GCC2: variants seen among roughly 807,000 people sequenced by gnomAD.
GCC2 encodes the protein GRIP and coiled-coil domain containing 2.
Under a neutral mutation model 210.6 loss-of-function variants are expected in GCC2, and 120 were observed. That is an observed-to-expected ratio of 0.57 (90% CI 0.49 to 0.66). The LOEUF is 0.66. Among genes scored for constraint, GCC2 ranks in the 30% least tolerant of loss-of-function variants. The pLI is 0.00. For synonymous variants in GCC2, 703 were observed against 652.7 expected (o/e 1.08, Z -1.17); for missense variants, 1,868 against 1,871.9 (o/e 1.00, Z 0.04).
Position 108,449,386 on chromosome 2 carries a change from C to T in GCC2, c.6+106C>T, listed in dbSNP as rs1679774184. ...GCGCGGTAGTCTCCCTCTTGGTGTC[C>T]CGAAGCCCGCGCTGCTGTCGCCTCC... On this transcript the variant is annotated intron_variant, in intron 1 of 22. Transcript: ENST00000309863. The T allele has an allele frequency of 1.3e-4, 190 of 1,474,828 alleles. 1 individual carries two copies. In the South Asian group the frequency reaches 2.4e-3, roughly 19 times the overall value. The allele number at this position is 1,474,828 out of a possible 1,614,324, so 91.4% of individuals were successfully genotyped here.
intron 17 of GCC2, 46 bp downstream of exon 17, chr2:108,487,866 G>A (rs1465771882): frequency 6.6e-7 from 1 of 1,513,564 alleles, no homozygotes; most frequent in South Asian, 1.2e-5. Flanking sequence ...CACAATGCAG[G>A]TTCTTCACCA....
intron 13 of GCC2, among the ~76,000 whole-genome samples, chr2:108,485,122 G>A (rs1682064636): frequency 6.6e-6 from 1 of 150,670 alleles, no homozygotes; most frequent in South Asian, 2.1e-4. Flanking sequence ...ACTGAACAGT[G>A]AGATCACATG....
intron 21 of GCC2, 127 bp downstream of exon 21, chr2:108,497,236 C>G (rs955345296): frequency 6.7e-7 from 1 of 1,497,962 alleles, no homozygotes; most frequent in African/African-American, 1.4e-5. Context: ...CCTGCCTCAG[C>G]CTCCCGAGTA....
At chr2:108,472,955 T>A (rs1681317884) in intron 7 of GCC2, 56 bp downstream of exon 7, 1 of 955,518 alleles carries the variant, frequency 1.0e-6, no homozygotes, top group African/African-American at 1.7e-5. Context: ...CTTCTTAGTG[T>A]TAGAATAGAT....
chr2:108,487,207 AAG>A (rs752877157), intron 16 of GCC2, among the ~76,000 whole-genome samples: 3 of 152,354 alleles, frequency 2.0e-5, no homozygotes, highest in Admixed American at 6.5e-5. Flanking sequence ...AATTTATAAA[AAG>A]AGGGGATATC....
At chr2:108,465,551 T>A (rs563666235) in intron 4 of GCC2, among the ~76,000 whole-genome samples, 12 of 152,192 alleles carry the variant, frequency 7.9e-5, no homozygotes, top group Non-Finnish European at 1.5e-4. Context: ...TCACTCTGTA[T>A]GGCTTTGCAT....
At chr2:108,465,295 A>G (rs567535977) in intron 4 of GCC2, among the ~76,000 whole-genome samples, 9 of 152,352 alleles carry the variant, frequency 5.9e-5, no homozygotes, top group African/African-American at 2.2e-4. Context: ...AGATGCCTCT[A>G]ATCAGCCACC....
At chr2:108,499,872 CAT>C (rs1682831923) in intron 22 of GCC2, 118 bp downstream of exon 22, 1 of 1,398,414 alleles carries the variant, frequency 7.2e-7, no homozygotes, top group South Asian at 1.2e-5. Context: ...TTGGGTCTGT[CAT>C]ATGAGTAGGC....
In GCC2 at chr2:108,486,580, C is replaced by A; in HGVS notation, c.3862C>A (p.His1288Asn). 1 of 1,614,012 alleles carries A rather than the reference C, an allele frequency of 6.2e-7. No individual in the cohort carries two copies. The highest frequency in any genetic ancestry group is 8.5e-7 in the Non-Finnish European group (1 of 1,179,866). The change falls in exon 16 of 23, where the codon CAC becomes AAC. Residue 1288 changes from histidine to asparagine, a missense_variant. This residue lies in a region of GCC2 where 1,847 missense variants were observed against 1,765.2 expected (regional missense o/e 1.05). Transcript: ENST00000309863. ...HEHLKTSAEQ[H>N]QRTLSAYQQR... ...GCACCTGAAAACCTCTGCGGAACAG[C>A]ACCAGCGTACGCTAAGTGCATACCA...
At position 108,449,237 on chromosome 2, in the gene GCC2, G is replaced by A. The variant is rs1558721939; in HGVS notation, c.-38G>A. 1 of 1,545,992 alleles carries A rather than the reference G, an allele frequency of 6.5e-7. No individual in the cohort carries two copies. Among genetic ancestry groups the A allele is most frequent in the African/African-American group, 1.4e-5 (1 of 73,094 alleles). ...TGGCGCAAACAGAAGTGCAGCGGTG[G>A]CGGCGGCTGGTTGCGGGCCGGCGGC... On this transcript the variant is annotated 5_prime_UTR_variant, in exon 1 of 23. Transcript: ENST00000309863.
In GCC2 at chr2:108,483,108, T is replaced by C; in HGVS notation, c.3392T>C (p.Leu1131Pro). 1 of 1,599,120 alleles carries C rather than the reference T, an allele frequency of 6.3e-7. No individual in the cohort carries two copies. Among genetic ancestry groups the C allele is most frequent in the Non-Finnish European group, 8.6e-7 (1 of 1,166,744 alleles). The change falls in exon 12 of 23, where the codon CTT becomes CCT. Residue 1131 changes from leucine (L) to proline (P), a missense_variant. By Grantham distance (98) the Leu-to-Pro change is moderately conservative (BLOSUM62 -3). Transcript: ENST00000309863. ...GAACTTGAAGAACTTCAGGTACAACTTCAAAAGCAAAAGAAACAGCTTCAG... is the reference window on the plus strand; with the variant it reads ...GAACTTGAAGAACTTCAGGTACAACCTCAAAAGCAAAAGAAACAGCTTCAG... ...VNELEELQVQ[L>P]QKQKKQLQKT... is the part of the protein sequence containing the mutation.
intron 22 of GCC2, among the ~76,000 whole-genome samples, 160 bp downstream of exon 22, chr2:108,499,914 AACATCTTGAGGCAACTGTAGT>A (rs1682834020): frequency 6.6e-6 from 1 of 152,162 alleles, no homozygotes; most frequent in Non-Finnish European, 1.5e-5. Context: ...CTGACTTTTT[AACATCTTGAGGCAACTGTAGT>A]ACATTTATAT....
Position 108,471,850 on chromosome 2 carries a change from G to A in GCC2, c.2521G>A (p.Val841Ile). 1 of 1,613,130 alleles carries A rather than the reference G, an allele frequency of 6.2e-7. No homozygotes were observed. Among genetic ancestry groups the A allele is most frequent in the South Asian group, 1.1e-5 (1 of 90,952 alleles). The stretch of plus-strand genomic sequence containing the variant: ...ATTGAGAGACTATGAGCAAGAGAAA[G>A]TTCTCTTAAGGAAAGAGTTAGAAGA... ...SLLRDYEQEK[V>I]LLRKELEEIQ... The change falls in exon 6 of 23, where the codon GTT becomes ATT. Residue 841 changes from valine to isoleucine, a missense_variant. Coordinates refer to ENST00000309863, the MANE Select transcript of GCC2 (RefSeq NM_181453.4).
intron 4 of GCC2, among the ~76,000 whole-genome samples, chr2:108,467,748 G>T (rs555006060): frequency 6.6e-6 from 1 of 152,178 alleles, no homozygotes; most frequent in Admixed American, 6.6e-5. Context: ...TCTGTAAGTA[G>T]TTGGATATTG....
rs1200948483 is a variant in GCC2 at position 108,470,588 on chromosome 2, A to T, written c.1259A>T (p.Glu420Val). Residue 420 changes from glutamate (E) to valine (V), a missense_variant, in exon 6 of 23, where the codon GAA becomes GTA. Around this residue, in one of 3 missense-constraint regions of GCC2, gnomAD observed 1,847 missense variants for 1,765.2 expected, o/e 1.05. Coordinates refer to ENST00000309863, the MANE Select transcript of GCC2 (RefSeq NM_181453.4). ...GLNKQFCYTV[E>V]QHNREVQSLK... ...AATAAACAGTTTTGCTATACTGTAG[A>T]ACAGCATAACAGAGAAGTACAGAGT... 1 of 1,607,292 alleles carries T rather than the reference A, an allele frequency of 6.2e-7. No individual in the cohort carries two copies. Among genetic ancestry groups the T allele is most frequent in the Admixed American group, 1.7e-5 (1 of 59,696 alleles).
chr2:108,504,118 TC>T (rs1286388610), intron 22 of GCC2, among the ~76,000 whole-genome samples: 3 of 151,864 alleles, frequency 2.0e-5, no homozygotes, highest in Admixed American at 6.6e-5. Context: ...TAAAACCCCA[TC>T]TTTAAAAAAA....
At chr2:108,505,622 G>C (rs957038542) in intron 22 of GCC2, among the ~76,000 whole-genome samples, 1 of 152,120 alleles carries the variant, frequency 6.6e-6, no homozygotes, top group Non-Finnish European at 1.5e-5. Context: ...CAGGCCATCA[G>C]TTTAGCGGCC....
intron 4 of GCC2, among the ~76,000 whole-genome samples, chr2:108,463,790 C>T (rs6752775): frequency 5.6e-4 from 85 of 152,236 alleles, no homozygotes; most frequent in African/African-American, 2.0e-3. Context: ...GGTGGGACAA[C>T]CCTCTGGGTC....
Position 108,470,995 on chromosome 2 carries a change from G to C in GCC2, c.1666G>C (p.Glu556Gln), listed in dbSNP as rs751509052. The change falls in exon 6 of 23, where the codon GAA becomes CAA. Residue 556 changes from glutamate (E) to glutamine (Q), a missense_variant. This residue lies in a region of GCC2 where 1,847 missense variants were observed against 1,765.2 expected (regional missense o/e 1.05). Transcript: ENST00000309863. ...KLLSQQELVP[E>Q]LENTIKNLQE... ...ACTATCTCAACAAGAATTGGTACCA[G>C]AACTTGAAAATACCATAAAGAACCT... is the stretch of plus-strand genomic sequence containing the variant. The C allele has an allele frequency of 5.0e-6, 8 of 1,613,034 alleles. No individual in the cohort carries two copies. The East Asian group carries it at 1.8e-4, about 36-fold the overall frequency.
Sources: gnomAD v4.1 joint callset for allele counts (sites outside exome capture counted in the v4.1 genomes callset) on GRCh38, gnomAD v4.1.1 for gene constraint, gnomAD v4.1.1 regional missense constraint, MANE v1.5 for transcripts, NCBI Gene and HGNC (gene_info 2026-07-23, HGNC 2026-07-21) for gene names.